Variants in GABRB2 observed in about 807,000 individuals in gnomAD.
The protein encoded by GABRB2 is gamma-aminobutyric acid type A receptor subunit beta2, also known as gamma-aminobutyric acid receptor subunit beta-2.
GABRB2 carries 16 observed loss-of-function variants against 54.7 expected under a neutral mutation model. That is an observed-to-expected ratio of 0.29 (90% confidence interval 0.20 to 0.44). The LOEUF is 0.44. Among genes scored for constraint, GABRB2 ranks in the 20% least tolerant of loss-of-function variants. The pLI is 1.00. For missense variants in GABRB2, 355 were observed against 644.0 expected (o/e 0.55, Z 4.86); for synonymous variants, 244 against 233.8 (o/e 1.04, Z -0.40).
At chr5:161,411,120 A>T in intron 4 of GABRB2, 63 bp from the exon 5 acceptor site, 1 of 1,240,656 alleles carries the variant, frequency 8.1e-7, no homozygotes. Context: ...TGGAAATTTA[A>T]ATCTAAGTAT....
In GABRB2 at chr5:161,497,530, ATGTG is replaced by A. The variant is rs71587162; in HGVS notation, c.238-37690_238-37687del. The stretch of plus-strand genomic sequence containing the variant: ...ACTTTGTGTGTGTGAGTGTGTGTAT[ATGTG>A]TGTGTGTGTGTGTGTGTGTGTGTGT... On this transcript the variant is annotated intron_variant, in intron 3 of 9. Coordinates refer to ENST00000393959, the MANE Select transcript of GABRB2 (RefSeq NM_001371727.1). Among the ~76,000 whole-genome samples, 828 of 147,390 alleles carry A rather than the reference ATGTG, an allele frequency of 5.6e-3. 8 individuals carry two copies. Among genetic ancestry groups the A allele is most frequent in the African/African-American group, 0.019 (743 of 40,156 alleles).
chr5:161,473,442 A>G (rs1758502819), intron 3 of GABRB2, among the ~76,000 whole-genome samples: 1 of 152,024 alleles, frequency 6.6e-6, no homozygotes. Flanking sequence ...ACTTACCTCG[A>G]GGAGGAAAAA....
At chr5:161,519,818 C>T (rs1460573647) in intron 3 of GABRB2, among the ~76,000 whole-genome samples, 1 of 152,036 alleles carries the variant, frequency 6.6e-6, no homozygotes, top group African/African-American at 2.4e-5. Context: ...ACAAGTCATT[C>T]TGCAGTTTGT....
chr5:161,322,731 G>A (rs1242806378), intron 9 of GABRB2, among the ~76,000 whole-genome samples: 3 of 151,914 alleles, frequency 2.0e-5, no homozygotes, highest in Non-Finnish European at 4.4e-5. Context: ...TCTGCATTTG[G>A]CATGATTTAC....
chr5:161,470,131 A>G (rs1404398112), intron 3 of GABRB2, among the ~76,000 whole-genome samples: 1 of 151,222 alleles, frequency 6.6e-6, no homozygotes, highest in African/African-American at 2.4e-5. Flanking sequence ...AACCCTGCCT[A>G]TCTTTCAAAC....
intron 4 of GABRB2, among the ~76,000 whole-genome samples, chr5:161,455,562 G>T (rs544105788): frequency 6.7e-6 from 1 of 148,662 alleles, no homozygotes; most frequent in East Asian, 2.0e-4. Flanking sequence ...ACAGGGTACG[G>T]CTCTGTCATC....
chr5:161,315,587 A>G (rs1758005118), intron 9 of GABRB2, among the ~76,000 whole-genome samples: 2 of 152,184 alleles, frequency 1.3e-5, no homozygotes, highest in South Asian at 4.1e-4. Context: ...ATTACTTTAC[A>G]ACTTAGAAAA....
chr5:161,317,923 C>T (rs2113375377), intron 9 of GABRB2, among the ~76,000 whole-genome samples: 1 of 151,978 alleles, frequency 6.6e-6, no homozygotes, highest in East Asian at 1.9e-4. Flanking sequence ...AGATTATACC[C>T]ATTATAAACT....
intron 3 of GABRB2, among the ~76,000 whole-genome samples, chr5:161,542,951 A>C (rs1760864409): frequency 6.6e-6 from 1 of 152,264 alleles, no homozygotes. Flanking sequence ...TCTTTAAAAA[A>C]TAAAACAAAC....
rs17463015 is a variant in GABRB2 at position 161,515,677 on chromosome 5, A to C, written c.237+29550T>G. ...TGTAGAAGAACTCATAAAGGAATTT[A>C]TCTCTTTCATGTTAGTAACAAAAAT... On this transcript the variant is annotated intron_variant, in intron 3 of 9. Coordinates refer to ENST00000393959, the MANE Select transcript of GABRB2 (RefSeq NM_001371727.1). Among the ~76,000 whole-genome samples the C allele has an allele frequency of 7.2e-5, 11 of 152,160 alleles. No homozygotes were observed. In the South Asian group the frequency reaches 2.3e-3, roughly 32 times the overall value.
chr5:161,423,717 A>G (rs1299258771), intron 4 of GABRB2, among the ~76,000 whole-genome samples: 1 of 152,112 alleles, frequency 6.6e-6, no homozygotes, highest in African/African-American at 2.4e-5. Flanking sequence ...AATGGCCTCT[A>G]GGTGTTCTAG....
At chr5:161,327,799 A>G (rs1758413622) in intron 8 of GABRB2, among the ~76,000 whole-genome samples, 1 of 152,028 alleles carries the variant, frequency 6.6e-6, no homozygotes, top group Non-Finnish European at 1.5e-5. Context: ...CCCACTCCTG[A>G]TTTTCCCAGA....
At chr5:161,354,183 T>C (rs1354834236) in intron 5 of GABRB2, among the ~76,000 whole-genome samples, 3 of 152,018 alleles carry the variant, frequency 2.0e-5, no homozygotes, top group Non-Finnish European at 4.4e-5. Context: ...TCTAACTGTG[T>C]AGGCCTGAGG....
intron 5 of GABRB2, among the ~76,000 whole-genome samples, chr5:161,399,967 G>A (rs1360024068): frequency 6.6e-6 from 1 of 152,186 alleles, no homozygotes; most frequent in East Asian, 1.9e-4. Flanking sequence ...GCTGGCGGCA[G>A]TGGAGGTGTG....
intron 8 of GABRB2, among the ~76,000 whole-genome samples, chr5:161,329,095 G>C (rs1419330481): frequency 2.0e-5 from 3 of 151,992 alleles, no homozygotes; most frequent in African/African-American, 7.3e-5. Context: ...CCTCCCTCTA[G>C]GTCTTAACTT....
rs184606460 is a variant in GABRB2 at position 161,458,794 on chromosome 5, A to G, written c.458+830T>C. Reference sequence around the variant, plus strand: ...CACTTAGCTCAATGTCTGACCCATAACAAGTGTTCAATAAATGAATATTAT... The same window carrying G: ...CACTTAGCTCAATGTCTGACCCATAGCAAGTGTTCAATAAATGAATATTAT... On this transcript the variant is annotated intron_variant, in intron 4 of 9. Coordinates refer to ENST00000393959, the MANE Select transcript of GABRB2 (RefSeq NM_001371727.1). Among the ~76,000 whole-genome samples, 101 of 152,340 alleles carry G rather than the reference A, an allele frequency of 6.6e-4. 2 individuals are homozygous for G. In the East Asian group the frequency reaches 0.017, roughly 26 times the overall value.
intron 5 of GABRB2, among the ~76,000 whole-genome samples, chr5:161,380,070 G>T (rs996340865): frequency 1.3e-5 from 2 of 151,870 alleles, no homozygotes; most frequent in African/African-American, 2.4e-5. Context: ...CTTTTTTATT[G>T]CTTGGGCCCC....
intron 5 of GABRB2, among the ~76,000 whole-genome samples, chr5:161,410,728 T>A (rs1185283898): frequency 6.6e-6 from 1 of 152,212 alleles, no homozygotes; most frequent in Non-Finnish European, 1.5e-5. Flanking sequence ...TGTTAGCATA[T>A]TCCTTTTATT....
intron 3 of GABRB2, among the ~76,000 whole-genome samples, chr5:161,465,359 G>A (rs956336432): frequency 2.0e-5 from 3 of 152,064 alleles, no homozygotes; most frequent in Non-Finnish European, 4.4e-5. Flanking sequence ...AATGGTTATA[G>A]GCTCTCTATT....
Sources: gnomAD v4.1 joint callset for allele counts (sites outside exome capture counted in the v4.1 genomes callset) on GRCh38, gnomAD v4.1.1 for gene constraint, MANE v1.5 for transcripts, NCBI Gene and HGNC (gene_info 2026-07-23, HGNC 2026-07-21) for gene names.